The following KCNH7 variants were observed in gnomAD, a reference collection of about 807,000 sequenced individuals.
KCNH7 encodes voltage-gated inwardly rectifying potassium channel KCNH7.
KCNH7 carries 49 observed loss-of-function variants against 120.8 expected under a neutral mutation model. The observed-to-expected ratio is 0.41, with a 90% CI of 0.32 to 0.51. KCNH7 has a LOEUF of 0.51. Among genes scored for constraint, KCNH7 ranks in the 20% least tolerant of loss-of-function variants. The probability of loss-of-function intolerance (pLI) is 0.38; values close to 1 mark genes in which losing one functional copy is unlikely to be tolerated. For synonymous variants in KCNH7, 547 were observed against 516.1 expected (o/e 1.06, Z -0.81); for missense variants, 1,097 against 1,446.6 (o/e 0.76, Z 3.92).
At chr2:162,490,521 G>T (rs940885811) in intron 6 of KCNH7, among the ~76,000 whole-genome samples, 2 of 152,172 alleles carry the variant, frequency 1.3e-5, no homozygotes, top group African/African-American at 4.8e-5. Flanking sequence ...TTGGGAGCTC[G>T]CACAGGATGC....
At chr2:162,515,414 C>G (rs943359307) in intron 4 of KCNH7, among the ~76,000 whole-genome samples, 4 of 151,708 alleles carry the variant, frequency 2.6e-5, no homozygotes, top group South Asian at 2.1e-4. Context: ...TACTCAGCAC[C>G]ACTGTCCAAA....
At chr2:162,604,836 G>C (rs1359621217) in intron 2 of KCNH7, among the ~76,000 whole-genome samples, 1 of 151,940 alleles carries the variant, frequency 6.6e-6, no homozygotes, top group African/African-American at 2.4e-5. Context: ...AGGAGGAAAA[G>C]AACAATTCCA....
At chr2:162,602,941 TG>T (rs1694606160) in intron 2 of KCNH7, among the ~76,000 whole-genome samples, 1 of 148,894 alleles carries the variant, frequency 6.7e-6, no homozygotes. Flanking sequence ...GAGGTTGAGC[TG>T]GAGGACTTTT....
intron 2 of KCNH7, among the ~76,000 whole-genome samples, chr2:162,619,332 G>A (rs1294904020): frequency 2.6e-5 from 4 of 151,946 alleles, no homozygotes; most frequent in African/African-American, 7.2e-5. Flanking sequence ...GGTATATTCA[G>A]TGGCCAGTCA....
At chr2:162,376,984 T>C (rs1686217383) in intron 14 of KCNH7, among the ~76,000 whole-genome samples, 1 of 152,158 alleles carries the variant, frequency 6.6e-6, no homozygotes, top group Non-Finnish European at 1.5e-5. Flanking sequence ...ATTTTATTTG[T>C]TTTTATTGTG....
rs906243028 is a variant in KCNH7 at position 162,647,318 on chromosome 2, T to C, written c.308-110238A>G. Among the ~76,000 whole-genome samples, 3 of 152,286 alleles carry C rather than the reference T, an allele frequency of 2.0e-5. No homozygotes were observed. The South Asian group carries it at 6.2e-4, about 32-fold the overall frequency. On this transcript the variant is annotated intron_variant, in intron 2 of 15. Transcript: ENST00000332142. Reference sequence around the variant, plus strand: ...GTTCCAGTGTGTTTTGTGGGAATAGTTATACTTAATAGCTACAGTAAAAAG... The same window carrying C: ...GTTCCAGTGTGTTTTGTGGGAATAGCTATACTTAATAGCTACAGTAAAAAG...
intron 2 of KCNH7, among the ~76,000 whole-genome samples, chr2:162,685,485 T>C (rs907279169): frequency 1.3e-5 from 2 of 152,106 alleles, no homozygotes; most frequent in Non-Finnish European, 2.9e-5. Flanking sequence ...CGATGAATTG[T>C]CTAGCAAGAG....
At chr2:162,698,498 A>C (rs1430559967) in intron 2 of KCNH7, among the ~76,000 whole-genome samples, 2 of 152,034 alleles carry the variant, frequency 1.3e-5, no homozygotes, top group Admixed American at 6.6e-5. Context: ...CATTTAAAAA[A>C]AAGGTTTGTA....
chr2:162,696,960 T>C lies in KCNH7; in HGVS notation c.307+139577A>G, dbSNP rs147304581. On this transcript the variant is annotated intron_variant, in intron 2 of 15. Transcript: ENST00000332142. ...TTTATCTTGAAAACTGGTAAATAAA[T>C]GGAAAGAAATCAAATATTTTCTATT... 3.7e-4 allele frequency among the ~76,000 whole-genome samples: 56 copies of C among 152,234 alleles called. No homozygotes were observed. The East Asian group carries it at 7.3e-3, about 20-fold the overall frequency.
At chr2:162,781,295 A>G (rs1027040364) in intron 2 of KCNH7, among the ~76,000 whole-genome samples, 3 of 151,494 alleles carry the variant, frequency 2.0e-5, no homozygotes, top group African/African-American at 7.3e-5. Flanking sequence ...TTTTTTTTTT[A>G]GTTTAACAGA....
intron 6 of KCNH7, among the ~76,000 whole-genome samples, chr2:162,494,780 C>A (rs1164233493): frequency 1.3e-5 from 2 of 151,998 alleles, no homozygotes; most frequent in African/African-American, 4.8e-5. Flanking sequence ...TTTCTGATAT[C>A]TTTGGAGATT....
Position 162,613,953 on chromosome 2 carries a change from GTT to G in KCNH7, c.308-76875_308-76874del, listed in dbSNP as rs201679969. ...TAAATAATCCTTCCCCAAAGAGAAA[GTT>G]TTTTTTTTTTTAATATAAACAGAGA... is the stretch of plus-strand genomic sequence containing the variant. On this transcript the variant is annotated intron_variant, in intron 2 of 15. Coordinates refer to ENST00000332142, the MANE Select transcript of KCNH7 (RefSeq NM_033272.4). Among the ~76,000 whole-genome samples, 689 of 143,236 alleles carry G rather than the reference GTT, an allele frequency of 4.8e-3. 7 individuals carry two copies. The highest frequency in any genetic ancestry group is 0.017 in the African/African-American group (649 of 37,224). The allele number at this position is 143,236 out of a possible 152,430, so 94.0% of individuals were successfully genotyped here. A position where few individuals can be genotyped will look rare whatever the true frequency, so the allele number is the denominator to read the frequency against.
chr2:162,528,680 A>G (rs1166636210), intron 3 of KCNH7, among the ~76,000 whole-genome samples: 1 of 151,958 alleles, frequency 6.6e-6, no homozygotes, highest in East Asian at 1.9e-4. Flanking sequence ...TTTAGGCAAT[A>G]GAGGACCATT....
chr2:162,447,266 A>G (rs1418909073), intron 6 of KCNH7, among the ~76,000 whole-genome samples: 1 of 152,150 alleles, frequency 6.6e-6, no homozygotes, highest in Non-Finnish European at 1.5e-5. Context: ...GTTTTAGTTT[A>G]CCTGAAAAAA....
chr2:162,478,499 C>G (rs1354526051), intron 6 of KCNH7, among the ~76,000 whole-genome samples: 1 of 152,120 alleles, frequency 6.6e-6, no homozygotes, highest in East Asian at 1.9e-4. Context: ...TGTGATTCTT[C>G]TAATGTTATT....
At chr2:162,559,556 A>C (rs972017230) in intron 2 of KCNH7, among the ~76,000 whole-genome samples, 4 of 152,232 alleles carry the variant, frequency 2.6e-5, no homozygotes, top group African/African-American at 9.6e-5. Flanking sequence ...ACTTCAAAAC[A>C]TGCAAACAAG....
chr2:162,458,100 T>C (rs907717844), intron 6 of KCNH7, among the ~76,000 whole-genome samples: 2 of 136,852 alleles, frequency 1.5e-5, no homozygotes, highest in African/African-American at 6.1e-5. Flanking sequence ...TATTTGGCTA[T>C]GTGCGTGTGT....
chr2:162,413,314 A>G (rs1040556757), intron 9 of KCNH7, among the ~76,000 whole-genome samples: 1 of 152,040 alleles, frequency 6.6e-6, no homozygotes, highest in Admixed American at 6.6e-5. Flanking sequence ...TTTTTAGTAC[A>G]TGGGGTTTCA....
At chr2:162,442,178 A>T (rs1229287157) in intron 7 of KCNH7, among the ~76,000 whole-genome samples, 1 of 151,258 alleles carries the variant, frequency 6.6e-6, no homozygotes, top group Non-Finnish European at 1.5e-5. Flanking sequence ...GGCGCCCGCC[A>T]CCACGCCCAG....
Sources: gnomAD v4.1 joint callset for allele counts (sites outside exome capture counted in the v4.1 genomes callset) on GRCh38, gnomAD v4.1.1 for gene constraint, MANE v1.5 for transcripts, NCBI Gene and HGNC (gene_info 2026-07-23, HGNC 2026-07-21) for gene names.